Variants in VCL observed in about 807,000 individuals in gnomAD.
VCL encodes epididymis luminal protein 114.
VCL carries 47 observed loss-of-function variants against 125.7 expected under a neutral mutation model. The observed-to-expected ratio is 0.37, with a 90% CI of 0.30 to 0.48. The LOEUF (loss-of-function observed/expected upper bound fraction) is 0.48, where lower values mean the gene tolerates loss of function less well. VCL is among the 20% of genes least tolerant of loss of function. The pLI is 0.99. For synonymous variants in VCL, 458 were observed against 514.6 expected (o/e 0.89, Z 1.49); for missense variants, 1,069 against 1,455.5 (o/e 0.73, Z 4.32).
chr10:74,093,004 T>A (rs1017811027), intron 10 of VCL, among the ~76,000 whole-genome samples: 6 of 152,132 alleles, frequency 3.9e-5, no homozygotes, highest in African/African-American at 1.4e-4. Context: ...GTATAGTAGT[T>A]TATGAATGAA....
At position 74,119,233 on chromosome 10, in the gene VCL, G is replaced by A. The variant is rs1407154684; in HGVS notation, c.*1064G>A. 6.6e-6 allele frequency: 1 copy of A among 152,618 alleles called. No homozygotes were observed. The highest frequency in any genetic ancestry group is 2.4e-5 in the African/African-American group (1 of 41,456). 9.5% of individuals were successfully genotyped at this position (152,618 alleles called of 1,614,324 possible). On this transcript the variant is annotated 3_prime_UTR_variant, in exon 22 of 22. Coordinates refer to ENST00000211998, the MANE Select transcript of VCL (RefSeq NM_014000.3). The stretch of plus-strand genomic sequence containing the variant: ...AAGACATGTAGGTGTTTGTTCATCT[G>A]TAACTCTAAAAGATCCTTTTTAAAT...
At chr10:74,054,884 G>A (rs968345790) in intron 2 of VCL, among the ~76,000 whole-genome samples, 1 of 151,990 alleles carries the variant, frequency 6.6e-6, no homozygotes, top group Non-Finnish European at 1.5e-5. Flanking sequence ...TCACGCCATT[G>A]CACTTCAGCC....
At chr10:74,104,901 G>A in intron 15 of VCL, 150 bp from the exon 16 acceptor site, 1 of 886,036 alleles carries the variant, frequency 1.1e-6, no homozygotes, top group Admixed American at 2.5e-5. Flanking sequence ...GTGTTTACCT[G>A]GAAGCTTTTG....
chr10:74,083,559 C>G (rs1219658975), intron 8 of VCL, 46 bp downstream of exon 8: 9 of 1,607,848 alleles, frequency 5.6e-6, no homozygotes, highest in Non-Finnish European at 6.8e-6. Context: ...GTAACTCACT[C>G]CTAACAGGGT....
chr10:74,088,535 C>T (rs1839823783), intron 8 of VCL, among the ~76,000 whole-genome samples: 1 of 152,016 alleles, frequency 6.6e-6, no homozygotes, highest in South Asian at 2.1e-4. Flanking sequence ...TTTTTATTGC[C>T]AGTGTTTTCA....
At chr10:74,032,466 A>G (rs910521076) in intron 1 of VCL, among the ~76,000 whole-genome samples, 1 of 151,810 alleles carries the variant, frequency 6.6e-6, no homozygotes, top group Non-Finnish European at 1.5e-5. Context: ...GGGAGGCCGA[A>G]GCAGGCAGAT....
intron 21 of VCL, among the ~76,000 whole-genome samples, chr10:74,115,470 A>C (rs575660828): frequency 4.1e-4 from 63 of 152,234 alleles, no homozygotes; most frequent in Non-Finnish European, 2.6e-4. Context: ...GTCATTTTAC[A>C]GATAGGAAAC....
At chr10:74,088,415 G>C (rs1335405937) in intron 8 of VCL, among the ~76,000 whole-genome samples, 1 of 152,132 alleles carries the variant, frequency 6.6e-6, no homozygotes, top group African/African-American at 2.4e-5. Flanking sequence ...CTCAGTATTA[G>C]CTAGTTTCGA....
chr10:74,053,897 C>T (rs1363070304), intron 2 of VCL, among the ~76,000 whole-genome samples: 1 of 152,058 alleles, frequency 6.6e-6, no homozygotes, highest in Non-Finnish European at 1.5e-5. Context: ...AGGCATGTAC[C>T]ACTTTAATTT....
chr10:74,074,574 A>C (rs1468064019), intron 5 of VCL, among the ~76,000 whole-genome samples, 169 bp from the exon 6 acceptor site: 1 of 152,128 alleles, frequency 6.6e-6, no homozygotes, highest in Non-Finnish European at 1.5e-5. Context: ...TTTTACAATA[A>C]AGGTTGTTAA....
In VCL at chr10:74,074,888, T is replaced by C. The variant is rs56413529; in HGVS notation, c.768T>C (p.Asp256=). 19,200 of 1,614,064 alleles carry C rather than the reference T, an allele frequency of 0.012. 1,846 individuals carry two copies. The African/African-American group carries it at 0.22, about 18-fold the overall frequency. The change falls in exon 6 of 22, where the codon GAT becomes GAC. Residue 256 remains aspartate, a synonymous_variant. Coordinates refer to ENST00000211998, the MANE Select transcript of VCL (RefSeq NM_014000.3). ...RVLQLTSWDE[D]AWASKDTEAM... ...TACAACTCACCTCTTGGGATGAAGA[T>C]GCCTGGGCCAGCAAGGTACGTGTTC...
intron 1 of VCL, among the ~76,000 whole-genome samples, chr10:74,009,333 A>G (rs1840378737): frequency 6.7e-6 from 1 of 150,310 alleles, no homozygotes; most frequent in Admixed American, 6.7e-5. Flanking sequence ...ATCTCGGCTC[A>G]CTGCAAGCTC....
At chr10:74,081,845 G>A (rs973243202) in intron 6 of VCL, among the ~76,000 whole-genome samples, 1 of 152,080 alleles carries the variant, frequency 6.6e-6, no homozygotes, top group Non-Finnish European at 1.5e-5. Context: ...TAGCAGGGAA[G>A]GTCAGAAAAC....
intron 2 of VCL, among the ~76,000 whole-genome samples, chr10:74,069,764 G>T (rs1197749748): frequency 6.6e-6 from 1 of 151,962 alleles, no homozygotes; most frequent in Non-Finnish European, 1.5e-5. Flanking sequence ...CTGTGGGGAT[G>T]AGTAATTGAA....
chr10:74,103,659 T>C (rs1840091463), intron 14 of VCL, among the ~76,000 whole-genome samples, 161 bp from the exon 15 acceptor site: 1 of 152,206 alleles, frequency 6.6e-6, no homozygotes, highest in South Asian at 2.1e-4. Flanking sequence ...TCTGGGGAGC[T>C]GTTTATTGAG....
intron 2 of VCL, among the ~76,000 whole-genome samples, chr10:74,065,137 C>CT (rs756851934): frequency 0.067 from 8,878 of 133,364 alleles, 969 homozygotes; most frequent in African/African-American, 0.22. Flanking sequence ...AATCCCAGCA[C>CT]TTTTTTTTTT....
Position 74,109,157 on chromosome 10 carries a change from G to A in VCL, c.2745+1G>A, listed in dbSNP as rs1215074217. 6.2e-7 allele frequency: 1 copy of A among 1,614,062 alleles called. No homozygotes were observed. Among genetic ancestry groups the A allele is most frequent in the Non-Finnish European group, 8.5e-7 (1 of 1,179,962 alleles). On this transcript the variant is annotated splice_donor_variant, in intron 18 of 21. Coordinates refer to ENST00000211998, the MANE Select transcript of VCL (RefSeq NM_014000.3). LOFTEE classifies it high-confidence loss of function. ...TGAAGCTCGCAAATGGTCCAGCAAG[G>A]TAAGTAGTGAAGCTTTTCTTGTTGA...
Position 74,094,272 on chromosome 10 carries a change from GGGAAA to G in VCL, c.1358_1362del (p.Lys453ArgfsTer40). 6.2e-7 allele frequency: 1 copy of G among 1,614,102 alleles called. No individual in the cohort carries two copies. Among genetic ancestry groups the G allele is most frequent in the African/African-American group, 1.3e-5 (1 of 75,032 alleles). ...GGATGGCTGTCTTTTTCTCTGTAGG[GGGAAA>G]GGAGATTCTCCAGAGGCTCGAGCCT... On this transcript the variant is annotated frameshift_variant and splice_region_variant, in exon 11 of 22. Transcript: ENST00000211998. LOFTEE classifies it high-confidence loss of function.
chr10:74,093,559 T>C (rs1839921797), intron 10 of VCL, among the ~76,000 whole-genome samples: 2 of 151,994 alleles, frequency 1.3e-5, no homozygotes, highest in South Asian at 4.2e-4. Context: ...GAGGCCCAGG[T>C]GGTAGGATCA....
Sources: gnomAD v4.1 joint callset for allele counts (sites outside exome capture counted in the v4.1 genomes callset) on GRCh38, gnomAD v4.1.1 for gene constraint, MANE v1.5 for transcripts, NCBI Gene and HGNC (gene_info 2026-07-23, HGNC 2026-07-21) for gene names.